Variants in CDH3 observed in about 807,000 individuals in gnomAD.
CDH3 encodes cadherin 3.
A neutral mutation model predicts 82.0 loss-of-function variants in CDH3; 54 were observed. That is an observed-to-expected ratio of 0.66 (90% CI 0.53 to 0.83). The LOEUF is 0.83. Among genes scored for constraint, CDH3 ranks in the 40% least tolerant of loss-of-function variants. The pLI is 0.00. For synonymous variants in CDH3, 446 were observed against 437.9 expected, an observed-to-expected ratio of 1.02 and a Z score of -0.23; for missense variants, 1,054 against 1,084.6, an observed-to-expected ratio of 0.97 and a Z score of 0.40.
rs373331409 is a variant in CDH3, at chr16:68,684,747, C to G, written c.1347C>G (p.Val449=). The G allele has an allele frequency of 9.9e-6, 16 of 1,614,026 alleles. No individual in the cohort carries two copies. Among genetic ancestry groups the G allele is most frequent in the South Asian group, 7.7e-5 (7 of 91,076 alleles). ...TCCCACCCTCCAAAGTCGTTGAGGT[C>G]CAGGAGGGCATCCCCACTGGGGAGC... ...VFVPPSKVVE[V]QEGIPTGEPV... is the part of the protein sequence containing the mutation. The change falls in exon 10 of 16, where the codon GTC becomes GTG. Residue 449 remains valine, a synonymous_variant. Transcript: ENST00000264012.
At chr16:68,659,347 T>A (rs1567439532) in intron 2 of CDH3, among the ~76,000 whole-genome samples, 1 of 151,984 alleles carries the variant, frequency 6.6e-6, no homozygotes, top group Non-Finnish European at 1.5e-5. Context: ...GGTGGGAGGA[T>A]TGCTTGAACC....
At chr16:68,664,273 C>T (rs1221435189) in intron 2 of CDH3, among the ~76,000 whole-genome samples, 2 of 152,170 alleles carry the variant, frequency 1.3e-5, no homozygotes, top group East Asian at 1.9e-4. Flanking sequence ...ATCTTGAAAG[C>T]ATCCAAAAGA....
chr16:68,695,183 C>G (rs1961679382), intron 13 of CDH3, 72 bp from the exon 14 acceptor site: 10 of 1,538,938 alleles, frequency 6.5e-6, no homozygotes, highest in Middle Eastern at 1.7e-4. Context: ...GTTAGAGGGG[C>G]TCTGAGGGCC....
At chr16:68,691,677 C>T in intron 12 of CDH3, 43 bp from the exon 13 acceptor site, 1 of 1,476,888 alleles carries the variant, frequency 6.8e-7, no homozygotes, top group Non-Finnish European at 9.5e-7. Context: ...CAGATCCCCG[C>T]ACTGATGGTT....
At chr16:68,714,065 C>T (rs1170701207) in intron 1 of CDH3, among the ~76,000 whole-genome samples, 1 of 152,090 alleles carries the variant, frequency 6.6e-6, no homozygotes, top group African/African-American at 2.4e-5. Flanking sequence ...TCCCAAGTAG[C>T]TGGGATTACA....
chr16:68,709,144 C>T (rs1961998621), intron 1 of CDH3, among the ~76,000 whole-genome samples: 1 of 152,070 alleles, frequency 6.6e-6, no homozygotes, highest in African/African-American at 2.4e-5. Flanking sequence ...GGTATAATCA[C>T]AGTTCACTGC....
intron 12 of CDH3, 74 bp from the exon 13 acceptor site, chr16:68,691,646 A>C: frequency 8.3e-7 from 1 of 1,210,096 alleles, no homozygotes; most frequent in Non-Finnish European, 1.2e-6. Context: ...CCGTATTCTC[A>C]AACTTTCTTC....
chr16:68,731,596 G>T (rs2152112563), downstream of CDH3, among the ~76,000 whole-genome samples: 1 of 149,340 alleles, frequency 6.7e-6, no homozygotes, highest in South Asian at 2.1e-4. Context: ...CAGCACTTTG[G>T]GAGGCCAAGG....
chr16:68,720,646 C>T lies in CDH3; in HGVS notation c.100-1779C>T, dbSNP rs538906566. Among the ~76,000 whole-genome samples, 285 of 148,812 alleles carry T rather than the reference C, an allele frequency of 1.9e-3. 1 individual carries two copies. The highest frequency in any genetic ancestry group is 6.8e-3 in the African/African-American group (274 of 40,274). On this transcript the variant is annotated intron_variant, in intron 1 of 2. Transcript: ENST00000569080. ...TTTTTTTTTTTTTGAGATGGAGTCT[C>T]GCTCTGTTGCCCAGGCCGGAATGCA...
intron 1 of CDH3, 73 bp downstream of exon 1, chr16:68,645,497 T>C: frequency 6.5e-7 from 1 of 1,545,014 alleles, no homozygotes; most frequent in Non-Finnish European, 8.8e-7. Flanking sequence ...CATGGGGCAG[T>C]GGCGTCGGGG....
downstream of CDH3, among the ~76,000 whole-genome samples, chr16:68,731,888 G>A (rs1461438454): frequency 6.6e-6 from 1 of 151,894 alleles, no homozygotes; most frequent in Non-Finnish European, 1.5e-5. Context: ...AAATGCAAAG[G>A]TAGAAAGATG....
chr16:68,645,782 G>C, intron 2 of CDH3, 32 bp downstream of exon 2: 1 of 1,491,646 alleles, frequency 6.7e-7, no homozygotes, highest in Non-Finnish European at 9.1e-7. Flanking sequence ...CGCAGGGTAG[G>C]GGCCGCACGT....
intron 2 of CDH3, among the ~76,000 whole-genome samples, chr16:68,659,054 T>C (rs1960487335): frequency 6.6e-6 from 1 of 152,216 alleles, no homozygotes; most frequent in Admixed American, 6.5e-5. Context: ...ATAAAGTTCT[T>C]AGTACTTTAT....
intron 12 of CDH3, among the ~76,000 whole-genome samples, chr16:68,691,184 T>G (rs2152105254): frequency 6.6e-6 from 1 of 152,108 alleles, no homozygotes; most frequent in African/African-American, 2.4e-5. Context: ...TTTTGTATTT[T>G]TAGTAGAGAC....
chr16:68,678,599 G>A lies in CDH3; in HGVS notation c.489G>A (p.Glu163=). 6.2e-7 allele frequency: 1 copy of A among 1,614,238 alleles called. No homozygotes were observed. Among genetic ancestry groups the A allele is most frequent in the Non-Finnish European group, 8.5e-7 (1 of 1,180,052 alleles). ...AGGGTGTCTTCGCTGTAGAGAAGGA[G>A]ACAGGCTGGTTGTTGTTGAATAAGC... is the stretch of plus-strand genomic sequence containing the variant. The part of the protein sequence containing the change: ...PPEGVFAVEK[E]TGWLLLNKPL... The change falls in exon 5 of 16, where the codon GAG becomes GAA. Residue 163 remains glutamate (E), a synonymous_variant. Coordinates refer to ENST00000264012, the MANE Select transcript of CDH3 (RefSeq NM_001793.6).
intron 2 of CDH3, among the ~76,000 whole-genome samples, chr16:68,664,325 T>C (rs146496292): frequency 6.6e-6 from 1 of 152,238 alleles, no homozygotes; most frequent in East Asian, 1.9e-4. Context: ...AGAGGAAGGA[T>C]CTGGATATTT....
intron 1 of CDH3, among the ~76,000 whole-genome samples, chr16:68,708,779 G>T (rs1961994792): frequency 6.6e-6 from 1 of 151,946 alleles, no homozygotes; most frequent in African/African-American, 2.4e-5. Context: ...GAGTAGCTGG[G>T]ATTACAGGCA....
chr16:68,726,983 T>C (rs1962226496), intron 2 of CDH3, among the ~76,000 whole-genome samples: 1 of 152,196 alleles, frequency 6.6e-6, no homozygotes, highest in South Asian at 2.1e-4. Context: ...TGTGTATGTC[T>C]GGGAGGACGT....
chr16:68,708,103 C>T (rs949301428), intron 1 of CDH3, among the ~76,000 whole-genome samples: 8 of 151,962 alleles, frequency 5.3e-5, no homozygotes, highest in Non-Finnish European at 7.4e-5. Flanking sequence ...CGAGGCGGGC[C>T]GGTCACTTGA....
Sources: gnomAD v4.1 joint callset for allele counts (sites outside exome capture counted in the v4.1 genomes callset) on GRCh38, gnomAD v4.1.1 for gene constraint, MANE v1.5 for transcripts, NCBI Gene and HGNC (gene_info 2026-07-23, HGNC 2026-07-21) for gene names.